PSPC1: variants seen among roughly 807,000 people sequenced by gnomAD.
PSPC1 encodes paraspeckle component 1.
A neutral mutation model predicts 51.6 loss-of-function variants in PSPC1; 14 were observed. The observed-to-expected ratio is 0.27, with a 90% confidence interval of 0.18 to 0.42. PSPC1 has a LOEUF of 0.42. Among genes scored for constraint, PSPC1 ranks in the 10% least tolerant of loss-of-function variants. The pLI is 1.00. For missense variants in PSPC1, 406 were observed against 701.1 expected (o/e 0.58, Z 4.75); for synonymous variants, 193 against 231.9 (o/e 0.83, Z 1.53).
intron 2 of PSPC1, 60 bp from the exon 3 acceptor site, chr13:19,759,478 T>C: frequency 8.8e-7 from 1 of 1,140,580 alleles, no homozygotes; most frequent in Non-Finnish European, 1.3e-6. Context: ...AATACCGTCT[T>C]AAAAGAAATG....
chr13:19,681,106 T>C (rs1435496965), intron 6 of PSPC1, among the ~76,000 whole-genome samples: 1 of 152,018 alleles, frequency 6.6e-6, no homozygotes, highest in Non-Finnish European at 1.5e-5. Context: ...TCCTGGCTAC[T>C]TGGGAGGCTG....
At chr13:19,696,195 GT>G (rs1565967310) in intron 6 of PSPC1, among the ~76,000 whole-genome samples, 2 of 152,184 alleles carry the variant, frequency 1.3e-5, no homozygotes, top group Non-Finnish European at 2.9e-5. Context: ...TTTTAGGGTA[GT>G]TTTTGGGAAG....
At chr13:19,695,904 T>TAAAAAA (rs138117319) in intron 6 of PSPC1, among the ~76,000 whole-genome samples, 2 of 141,782 alleles carry the variant, frequency 1.4e-5, no homozygotes, top group Non-Finnish European at 3.1e-5. Context: ...TTAGAAGAGA[T>TAAAAAA]AAAAAAAAAA....
chr13:19,672,016 C>A, downstream of PSPC1: 1 of 786,138 alleles, frequency 1.3e-6, no homozygotes, highest in South Asian at 1.6e-5. Flanking sequence ...CTGTTGTAGT[C>A]TGTAAGATGC....
chr13:19,713,372 CAT>C (rs1030364603), intron 6 of PSPC1, among the ~76,000 whole-genome samples: 5 of 151,904 alleles, frequency 3.3e-5, no homozygotes, highest in Non-Finnish European at 7.4e-5. Context: ...TCATTTTAGA[CAT>C]AATGAAACTG....
intron 6 of PSPC1, among the ~76,000 whole-genome samples, chr13:19,729,490 T>C (rs1169346880): frequency 2.0e-5 from 3 of 151,568 alleles, no homozygotes; most frequent in South Asian, 2.1e-4. Context: ...TGAGCTGAGA[T>C]TGTGCCACTG....
At chr13:19,740,730 G>A (rs1312885213) in intron 5 of PSPC1, among the ~76,000 whole-genome samples, 5 of 152,256 alleles carry the variant, frequency 3.3e-5, no homozygotes, top group South Asian at 2.1e-4. Context: ...AGCTATCAAT[G>A]TGGGTTTATA....
chr13:19,767,571 T>C (rs1888195597), intron 2 of PSPC1, among the ~76,000 whole-genome samples: 1 of 152,114 alleles, frequency 6.6e-6, no homozygotes, highest in African/African-American at 2.4e-5. Context: ...TTTCAAAGCT[T>C]AGGGTAAATA....
chr13:19,769,382 C>T (rs1274822455), intron 2 of PSPC1, among the ~76,000 whole-genome samples: 1 of 152,058 alleles, frequency 6.6e-6, no homozygotes, highest in Middle Eastern at 3.2e-3. Flanking sequence ...AGTGAAACCC[C>T]GTCTCTACTA....
intron 1 of PSPC1, among the ~76,000 whole-genome samples, chr13:19,779,041 G>T (rs1889552565): frequency 7.6e-6 from 1 of 132,392 alleles, no homozygotes; most frequent in African/African-American, 2.8e-5. Flanking sequence ...TGGGATGTGA[G>T]GAGCGCCTCT....
At chr13:19,713,986 G>A (rs1881777949) in intron 6 of PSPC1, among the ~76,000 whole-genome samples, 2 of 152,208 alleles carry the variant, frequency 1.3e-5, no homozygotes, top group South Asian at 4.1e-4. Context: ...CACAAGCCAA[G>A]AGACTTGGGC....
chr13:19,707,020 T>A (rs1880766168), intron 7 of PSPC1, among the ~76,000 whole-genome samples: 1 of 152,152 alleles, frequency 6.6e-6, no homozygotes, highest in South Asian at 2.1e-4. Context: ...TAGCTATTTT[T>A]AATAATTTCT....
intron 6 of PSPC1, among the ~76,000 whole-genome samples, chr13:19,720,392 A>C (rs896362724): frequency 1.7e-4 from 26 of 152,346 alleles, no homozygotes; most frequent in African/African-American, 5.8e-4. Context: ...AAAAAGCAGA[A>C]AAGAGGAAAA....
chr13:19,753,734 A>G (rs1886796432), intron 3 of PSPC1, among the ~76,000 whole-genome samples: 3 of 152,164 alleles, frequency 2.0e-5, no homozygotes. Flanking sequence ...GAAGGCTGTC[A>G]CAGAGGGAAA....
chr13:19,719,024 G>A (rs1882454340), intron 6 of PSPC1, among the ~76,000 whole-genome samples: 1 of 151,628 alleles, frequency 6.6e-6, no homozygotes, highest in South Asian at 2.1e-4. Flanking sequence ...TACTCTGTAT[G>A]ATGCTATAAT....
intron 5 of PSPC1, among the ~76,000 whole-genome samples, chr13:19,733,658 G>A (rs1377267800): frequency 6.6e-6 from 1 of 151,978 alleles, no homozygotes; most frequent in Non-Finnish European, 1.5e-5. Context: ...AGCTACTCAG[G>A]AGGATGAGGC....
intron 4 of PSPC1, among the ~76,000 whole-genome samples, chr13:19,749,055 C>G (rs1389490056): frequency 6.6e-6 from 1 of 151,452 alleles, no homozygotes; most frequent in Non-Finnish European, 1.5e-5. Flanking sequence ...ACTAAAAATA[C>G]AAAAAAACTG....
chr13:19,782,911 A>G lies in PSPC1; in HGVS notation c.-154T>C. 2.6e-6 allele frequency: 2 copies of G among 758,572 alleles called. No homozygotes were observed. Among genetic ancestry groups the G allele is most frequent in the Non-Finnish European group, 3.8e-6 (2 of 527,206 alleles). The allele number at this position is 758,572 out of a possible 1,614,324, so 47.0% of individuals were successfully genotyped here. A position where few individuals can be genotyped will look rare whatever the true frequency, so the allele number is the denominator to read the frequency against. On this transcript the variant is annotated 5_prime_UTR_variant, in exon 1 of 9. Coordinates refer to ENST00000338910, the MANE Select transcript of PSPC1 (RefSeq NM_001354909.2). This position sits in a 1 kb window ranked among gnomAD's most constrained non-coding sequence, Gnocchi z 4.5. The stretch of plus-strand genomic sequence containing the variant: ...CGAGTCGGCAACCCGTCCTCCCCCA[A>G]CTCACGCCCGCTGCAGCTGCACATT...
At chr13:19,736,353 C>G (rs1041104354) in intron 5 of PSPC1, among the ~76,000 whole-genome samples, 19 of 151,964 alleles carry the variant, frequency 1.3e-4, no homozygotes, top group South Asian at 2.1e-4. Context: ...CCCCTGTATA[C>G]TGAGATTACA....
Sources: allele counts gnomAD v4.1 joint callset (sites outside exome capture counted in the v4.1 genomes callset), GRCh38; gene constraint gnomAD v4.1.1; non-coding constraint Gnocchi (gnomAD v3.1); transcripts MANE v1.5; gene names NCBI Gene and HGNC (gene_info 2026-07-23, HGNC 2026-07-21).